The following CNTN5 variants were observed in gnomAD, a reference collection of about 807,000 sequenced individuals.
CNTN5 encodes contactin 5, also known as contactin-5.
CNTN5 carries 77 observed loss-of-function variants against 129.1 expected under a neutral mutation model. That is an observed-to-expected ratio of 0.60 (90% CI 0.50 to 0.72). CNTN5 has a LOEUF of 0.72. Ranked by LOEUF, CNTN5 falls within the 30% of genes least tolerant of loss-of-function variation. CNTN5 has a pLI of 0.00. For missense variants in CNTN5, 1,478 were observed against 1,328.8 expected (o/e 1.11, Z -1.75); for synonymous variants, 509 against 465.6 (o/e 1.09, Z -1.20).
At chr11:99,926,768 A>G (rs1327802129) in intron 7 of CNTN5, among the ~76,000 whole-genome samples, 10 of 152,074 alleles carry the variant, frequency 6.6e-5, no homozygotes, top group East Asian at 3.9e-4. Flanking sequence ...ATTAAATTAC[A>G]TAAGATCTTT....
chr11:99,122,174 T>C (rs1016278769), intron 1 of CNTN5, among the ~76,000 whole-genome samples: 2 of 151,986 alleles, frequency 1.3e-5, no homozygotes, highest in African/African-American at 4.8e-5. Context: ...TTCTTCTTGC[T>C]ATAGATCTAA....
chr11:100,269,358 T>C (rs1950366042), intron 17 of CNTN5, among the ~76,000 whole-genome samples: 1 of 152,076 alleles, frequency 6.6e-6, no homozygotes, highest in Non-Finnish European at 1.5e-5. Flanking sequence ...AGACAGTAAG[T>C]AATAGCACAA....
chr11:99,688,396 T>G (rs1313787368), intron 3 of CNTN5, among the ~76,000 whole-genome samples: 1 of 152,098 alleles, frequency 6.6e-6, no homozygotes, highest in African/African-American at 2.4e-5. Flanking sequence ...AGGGACTACT[T>G]GAAGTCAGCC....
At chr11:99,687,166 G>A (rs560866249) in intron 3 of CNTN5, among the ~76,000 whole-genome samples, 31 of 130,528 alleles carry the variant, frequency 2.4e-4, no homozygotes, top group African/African-American at 6.8e-4. Flanking sequence ...TTGTTGTTTT[G>A]TACACTGTTA....
intron 3 of CNTN5, among the ~76,000 whole-genome samples, chr11:99,588,819 T>A (rs1442951405): frequency 6.6e-6 from 1 of 152,194 alleles, no homozygotes; most frequent in East Asian, 1.9e-4. Context: ...CTGGTTGCAA[T>A]ATTCCTGCCT....
chr11:99,389,637 CA>C (rs1429553067), intron 2 of CNTN5, among the ~76,000 whole-genome samples: 1 of 152,036 alleles, frequency 6.6e-6, no homozygotes, highest in Non-Finnish European at 1.5e-5. Context: ...CCCAAATGTG[CA>C]AATAAAACTG....
Position 99,666,018 on chromosome 11 carries a change from G to A in CNTN5, c.55+109749G>A, listed in dbSNP as rs142988529. On this transcript the variant is annotated intron_variant, in intron 3 of 24. Transcript: ENST00000524871. ...CCTGCTTTGTTGCCCAGCCTGGAGG[G>A]CAGTGGCGTGATCTTGGCTCACTGC... Among the ~76,000 whole-genome samples, 906 of 151,944 alleles carry A rather than the reference G, an allele frequency of 6.0e-3. 9 individuals carry two copies. Among genetic ancestry groups the A allele is most frequent in the African/African-American group, 0.021 (883 of 41,428 alleles).
intron 1 of CNTN5, among the ~76,000 whole-genome samples, chr11:99,292,242 G>A (rs1167503752): frequency 2.6e-5 from 3 of 116,210 alleles, no homozygotes; most frequent in African/African-American, 9.9e-5. Context: ...ATATATAAAA[G>A]CTTACAAAGT....
chr11:100,256,689 G>A (rs1228159511), intron 17 of CNTN5, among the ~76,000 whole-genome samples: 1 of 152,066 alleles, frequency 6.6e-6, no homozygotes, highest in Non-Finnish European at 1.5e-5. Context: ...CACCCAGGAA[G>A]CATAGGGGGT....
intron 2 of CNTN5, among the ~76,000 whole-genome samples, chr11:99,536,890 G>A (rs569518850): frequency 1.2e-4 from 17 of 147,612 alleles, no homozygotes; most frequent in African/African-American, 4.0e-4. Context: ...CAATTAAAAC[G>A]TAATAAATTG....
intron 13 of CNTN5, among the ~76,000 whole-genome samples, chr11:100,084,328 T>G (rs1290993034): frequency 2.0e-5 from 3 of 152,140 alleles, no homozygotes; most frequent in African/African-American, 7.2e-5. Flanking sequence ...TCCTAACTGA[T>G]TCGACTACCT....
At chr11:99,396,367 G>A (rs1429116499) in intron 2 of CNTN5, among the ~76,000 whole-genome samples, 2 of 151,474 alleles carry the variant, frequency 1.3e-5, no homozygotes, top group African/African-American at 4.8e-5. Flanking sequence ...AAAATATAGA[G>A]AAACTCTGTG....
intron 9 of CNTN5, among the ~76,000 whole-genome samples, chr11:100,055,234 A>G (rs1278033531): frequency 2.6e-5 from 4 of 151,546 alleles, no homozygotes; most frequent in African/African-American, 9.7e-5. Flanking sequence ...TATCTTAACC[A>G]TCTTCCTCCC....
At chr11:99,417,923 T>G (rs111358280) in intron 2 of CNTN5, among the ~76,000 whole-genome samples, 5 of 152,160 alleles carry the variant, frequency 3.3e-5, no homozygotes, top group Admixed American at 2.0e-4. Context: ...AAAAGTTTCA[T>G]GTTTAAACGG....
At chr11:99,829,345 C>G (rs1947065951) in intron 4 of CNTN5, among the ~76,000 whole-genome samples, 1 of 152,138 alleles carries the variant, frequency 6.6e-6, no homozygotes, top group African/African-American at 2.4e-5. Flanking sequence ...GTGGACTGGT[C>G]CATACTAGGC....
chr11:99,942,650 A>G (rs1950466156), intron 7 of CNTN5, among the ~76,000 whole-genome samples: 1 of 151,904 alleles, frequency 6.6e-6, no homozygotes. Flanking sequence ...TGCATTAGAT[A>G]TTTGTCCTAA....
chr11:100,167,769 A>G (rs1340460286), intron 13 of CNTN5, among the ~76,000 whole-genome samples: 1 of 151,934 alleles, frequency 6.6e-6, no homozygotes, highest in African/African-American at 2.4e-5. Context: ...AGATGGCAGT[A>G]GTGGAGTGAA....
At chr11:99,799,008 T>C (rs898451683) in intron 3 of CNTN5, among the ~76,000 whole-genome samples, 5 of 152,118 alleles carry the variant, frequency 3.3e-5, no homozygotes, top group Non-Finnish European at 5.9e-5. Context: ...TCCTAGGTAT[T>C]TTATTTTTCA....
intron 1 of CNTN5, among the ~76,000 whole-genome samples, chr11:99,265,044 T>G (rs944293151): frequency 3.3e-5 from 5 of 151,994 alleles, no homozygotes; most frequent in African/African-American, 9.7e-5. Context: ...TTTAAGAGTT[T>G]AAGTGAATTA....
Sources: gnomAD v4.1 joint callset for allele counts (sites outside exome capture counted in the v4.1 genomes callset) on GRCh38, gnomAD v4.1.1 for gene constraint, MANE v1.5 for transcripts, NCBI Gene and HGNC (gene_info 2026-07-23, HGNC 2026-07-21) for gene names.